Variants in THUMPD2 observed in about 807,000 individuals in gnomAD.
THUMPD2 encodes the protein U6 snRNA (guanine-N(2))-methyltransferase THUMPD2.
A neutral mutation model predicts 49.4 loss-of-function variants in THUMPD2; 56 were observed. That is an observed-to-expected ratio of 1.13 (90% CI 0.91 to 1.41). THUMPD2 has a LOEUF of 1.41. Ranked by LOEUF, THUMPD2 falls within the 40% of genes most tolerant of loss-of-function variation. THUMPD2 has a pLI of 0.00. For synonymous variants in THUMPD2, 237 were observed against 205.2 expected, an observed-to-expected ratio of 1.15 and a Z score of -1.32; for missense variants, 709 against 594.5, an observed-to-expected ratio of 1.19 and a Z score of -2.00.
At chr2:39,761,234 A>C in intron 6 of THUMPD2, 97 bp downstream of exon 6, 1 of 1,104,956 alleles carries the variant, frequency 9.1e-7, no homozygotes, top group Non-Finnish European at 1.3e-6. Flanking sequence ...TCAAGAAAAG[A>C]AAAAGCAAGT....
At chr2:39,763,484 T>C (rs1677099703) in intron 5 of THUMPD2, among the ~76,000 whole-genome samples, 7 of 152,084 alleles carry the variant, frequency 4.6e-5, no homozygotes, top group Admixed American at 4.6e-4. Flanking sequence ...ACTTGGACAT[T>C]TTTCACTGAA....
intron 8 of THUMPD2, among the ~76,000 whole-genome samples, chr2:39,754,419 G>T (rs928653439): frequency 3.9e-5 from 6 of 152,010 alleles, no homozygotes; most frequent in Non-Finnish European, 1.5e-5. Context: ...AGTTATCCTA[G>T]TATTTTCTTC....
intron 8 of THUMPD2, 146 bp downstream of exon 8, chr2:39,755,149 C>A: frequency 2.1e-6 from 1 of 466,342 alleles, no homozygotes; most frequent in Non-Finnish European, 3.8e-6. Context: ...AAAGGTTAGA[C>A]TATTAGAAGT....
chr2:39,758,963 A>G (rs1676477972), intron 6 of THUMPD2, among the ~76,000 whole-genome samples: 1 of 152,172 alleles, frequency 6.6e-6, no homozygotes, highest in African/African-American at 2.4e-5. Flanking sequence ...TTGAAGCTAA[A>G]AAGTCAGGAT....
intron 1 of THUMPD2, among the ~76,000 whole-genome samples, chr2:39,773,946 T>A (rs577966406): frequency 6.6e-6 from 1 of 152,252 alleles, no homozygotes; most frequent in Non-Finnish European, 1.5e-5. Flanking sequence ...GGTTTCATTA[T>A]GATATTGATA....
chr2:39,761,569 T>C, intron 5 of THUMPD2, 151 bp from the exon 6 acceptor site: 1 of 697,670 alleles, frequency 1.4e-6, no homozygotes, highest in Non-Finnish European at 2.2e-6. Flanking sequence ...TCAGTCTTAT[T>C]ACAAAAATTG....
chr2:39,748,924 T>C (rs531941127), intron 8 of THUMPD2, among the ~76,000 whole-genome samples: 122 of 151,972 alleles, frequency 8.0e-4, no homozygotes, highest in Non-Finnish European at 1.4e-3. Context: ...CGTTCAAGGC[T>C]GCAGTAAGCT....
At chr2:39,769,084 T>A in intron 3 of THUMPD2, 1 of 1,304,256 alleles carries the variant, frequency 7.7e-7, no homozygotes, top group Non-Finnish European at 1.0e-6. Flanking sequence ...GACAATCCCA[T>A]GTACAGGACC....
chr2:39,769,493 G>C (rs1678020109), intron 3 of THUMPD2: 1 of 418,914 alleles, frequency 2.4e-6, no homozygotes, highest in South Asian at 6.7e-5. Context: ...CTTGAGGTCA[G>C]GAGTTCCAGA....
At chr2:39,777,929 C>G (rs552498871) in intron 1 of THUMPD2, among the ~76,000 whole-genome samples, 2 of 152,226 alleles carry the variant, frequency 1.3e-5, no homozygotes, top group African/African-American at 4.8e-5. Flanking sequence ...ACCAAGCACT[C>G]TAAGTTAGCA....
intron 5 of THUMPD2, among the ~76,000 whole-genome samples, chr2:39,764,606 C>G (rs764548235): frequency 9.9e-5 from 15 of 152,272 alleles, no homozygotes; most frequent in Admixed American, 5.9e-4. Context: ...TCATGGTGCT[C>G]TCTACTTTGT....
At chr2:39,769,439 C>T (rs1233615185) in intron 3 of THUMPD2, 1 of 331,608 alleles carries the variant, frequency 3.0e-6, no homozygotes, top group African/African-American at 2.1e-5. Context: ...TGGTGGCTCC[C>T]GCCTGTAATC....
intron 8 of THUMPD2, among the ~76,000 whole-genome samples, chr2:39,751,956 G>C (rs1263709871): frequency 6.6e-6 from 1 of 151,958 alleles, no homozygotes; most frequent in Non-Finnish European, 1.5e-5. Flanking sequence ...CAAAGTGCTG[G>C]GATTATAGGC....
At chr2:39,746,228 A>G (rs996446252) in intron 8 of THUMPD2, among the ~76,000 whole-genome samples, 1 of 152,142 alleles carries the variant, frequency 6.6e-6, no homozygotes, top group Non-Finnish European at 1.5e-5. Flanking sequence ...CTTCTCCCTC[A>G]TTCTTGGGCA....
chr2:39,769,128 G>A (rs1430838704), intron 3 of THUMPD2: 25 of 1,281,932 alleles, frequency 2.0e-5, no homozygotes, highest in Non-Finnish European at 2.5e-5. Context: ...GCACAAAGCT[G>A]AACTGAAGAG....
chr2:39,753,915 A>T (rs567220456), intron 8 of THUMPD2, among the ~76,000 whole-genome samples: 1 of 152,304 alleles, frequency 6.6e-6, no homozygotes, highest in East Asian at 1.9e-4. Flanking sequence ...TTTCAAAACT[A>T]AGATTTATGC....
intron 8 of THUMPD2, among the ~76,000 whole-genome samples, chr2:39,744,885 G>A (rs974107335): frequency 2.0e-5 from 3 of 152,022 alleles, no homozygotes; most frequent in Non-Finnish European, 4.4e-5. Context: ...TGTTTTTGAG[G>A]GAGAGGATCC....
chr2:39,776,912 C>T (rs943464490), intron 1 of THUMPD2, among the ~76,000 whole-genome samples: 1 of 152,188 alleles, frequency 6.6e-6, no homozygotes, highest in African/African-American at 2.4e-5. Flanking sequence ...TCATTTTCAA[C>T]AAGCTTCCTC....
At chr2:39,739,702 C>T (rs377282178) in intron 9 of THUMPD2, among the ~76,000 whole-genome samples, 7 of 152,160 alleles carry the variant, frequency 4.6e-5, no homozygotes, top group East Asian at 1.9e-4. Context: ...TGGAAAGAAC[C>T]GGCAGATGAG....
Sources: allele counts gnomAD v4.1 joint callset (sites outside exome capture counted in the v4.1 genomes callset), GRCh38; gene constraint gnomAD v4.1.1; transcripts MANE v1.5; gene names NCBI Gene and HGNC (gene_info 2026-07-23, HGNC 2026-07-21).